Variants in UNC13C observed in about 807,000 individuals in gnomAD.
The protein encoded by UNC13C is unc-13 homolog C, also known as protein unc-13 homolog C.
In UNC13C, 174 loss-of-function variants were observed where a neutral mutation model predicts 245.4. The observed-to-expected ratio is 0.71, with a 90% CI of 0.63 to 0.80. The LOEUF (loss-of-function observed/expected upper bound fraction) is 0.80. UNC13C is among the 30% of genes least tolerant of loss of function. The probability of loss-of-function intolerance (pLI) is 0.00; values close to 1 mark genes in which losing one functional copy is unlikely to be tolerated. For missense variants in UNC13C, 2,829 were observed against 2,602.9 expected (o/e 1.09, Z -1.89); for synonymous variants, 992 against 895.1 (o/e 1.11, Z -1.93).
chr15:54,407,923 G>C (rs992465933), intron 18 of UNC13C, among the ~76,000 whole-genome samples: 4 of 151,854 alleles, frequency 2.6e-5, no homozygotes, highest in Admixed American at 6.6e-5. Context: ...AAGAATGGGC[G>C]GGGTGCGGTG....
the UNC13C span, among the ~76,000 whole-genome samples, chr15:53,934,989 G>A: frequency 4.6e-5 from 7 of 152,104 alleles, no homozygotes; most frequent in African/African-American, 1.7e-4. Flanking sequence ...TCATTCCCTA[G>A]CAGTATATAT....
Position 54,623,901 on chromosome 15 carries a change from C to G in UNC13C, c.6306C>G (p.Gly2102=). ...PNLGDKKRKQ[G]TKTKSNTWSP... is the part of the protein sequence containing the mutation. ...TTGGAGACAAGAAGAGAAAACAAGG[C>G]ACAAAAACAAAAAGCAACACATGGT... The change falls in exon 32 of 33, where the codon GGC becomes GGG. Residue 2102 remains glycine, a synonymous_variant. Transcript: ENST00000260323. 6.2e-7 allele frequency: 1 copy of G among 1,613,176 alleles called. No individual in the cohort carries two copies. Among genetic ancestry groups the G allele is most frequent in the Non-Finnish European group, 8.5e-7 (1 of 1,179,450 alleles).
chr15:54,273,996 T>A (rs1286144778), intron 10 of UNC13C, among the ~76,000 whole-genome samples: 2 of 152,150 alleles, frequency 1.3e-5, no homozygotes, highest in Non-Finnish European at 2.9e-5. Context: ...GTTGAACATG[T>A]ATTTAAGTGT....
At chr15:54,370,380 A>C (rs948891812) in intron 17 of UNC13C, among the ~76,000 whole-genome samples, 9 of 152,198 alleles carry the variant, frequency 5.9e-5, no homozygotes, top group Non-Finnish European at 1.5e-5. Context: ...AGTTCACTAA[A>C]TACCTCATAA....
intron 1 of UNC13C, among the ~76,000 whole-genome samples, chr15:54,002,906 A>G (rs1894961354): frequency 6.6e-6 from 1 of 152,200 alleles, no homozygotes; most frequent in Non-Finnish European, 1.5e-5. Context: ...CACAGCACAG[A>G]GGAAAGAATA....
chr15:53,993,628 G>A (rs758932414), intron 1 of UNC13C, among the ~76,000 whole-genome samples: 2 of 152,076 alleles, frequency 1.3e-5, no homozygotes, highest in African/African-American at 2.4e-5. Context: ...TATGCACTGT[G>A]GGGTACCTCT....
chr15:54,202,966 G>T (rs967175030), intron 4 of UNC13C, among the ~76,000 whole-genome samples: 1 of 151,480 alleles, frequency 6.6e-6, no homozygotes. Flanking sequence ...GAACAATTCA[G>T]CAAGGAAAAA....
intron 20 of UNC13C, among the ~76,000 whole-genome samples, chr15:54,496,960 C>T (rs1222636343): frequency 6.6e-6 from 1 of 151,724 alleles, no homozygotes; most frequent in Admixed American, 6.6e-5. Context: ...CCCCTCAAAA[C>T]CTATTGAAAT....
intron 2 of UNC13C, among the ~76,000 whole-genome samples, chr15:54,137,762 C>CA (rs1017869710): frequency 2.0e-5 from 3 of 151,600 alleles, no homozygotes; most frequent in Non-Finnish European, 4.4e-5. Context: ...TTTATATTTT[C>CA]AAAAAAACCC....
intron 7 of UNC13C, among the ~76,000 whole-genome samples, chr15:54,247,447 TCCTA>T (rs1336076550): frequency 1.3e-5 from 2 of 152,312 alleles, no homozygotes; most frequent in African/African-American, 4.8e-5. Flanking sequence ...TATATGCTTT[TCCTA>T]CCTATTAATT....
At chr15:53,977,487 A>G (rs988800862), upstream of UNC13C, among the ~76,000 whole-genome samples, 6 of 152,282 alleles carry the variant, frequency 3.9e-5, no homozygotes, top group Middle Eastern at 3.4e-3. Context: ...TGCTTCCTAT[A>G]CTGTTTAACC....
Position 54,014,784 on chromosome 15 carries a change from T to G in UNC13C, c.1881T>G (p.Ser627Arg). The stretch of plus-strand genomic sequence containing the variant: ...CTGAAAACACAGAAACTGTGGATAG[T>G]GGAATGAGTAATGGCATGGTGTGTG... Reference protein sequence around the residue: ...TETENTETVDSGMSNGMVCAS... With the variant: ...TETENTETVDRGMSNGMVCAS... Residue 627 changes from serine to arginine, a missense_variant, in exon 2 of 33, where the codon AGT (serine) becomes AGG (arginine). Coordinates refer to ENST00000260323, the MANE Select transcript of UNC13C (RefSeq NM_001080534.3). 6.2e-7 allele frequency: 1 copy of G among 1,613,744 alleles called. No individual in the cohort carries two copies. The highest frequency in any genetic ancestry group is 8.5e-7 in the Non-Finnish European group (1 of 1,179,800).
intron 24 of UNC13C, 119 bp from the exon 25 acceptor site, chr15:54,525,430 A>C (rs1003788060): frequency 2.4e-5 from 14 of 573,958 alleles, no homozygotes; most frequent in Non-Finnish European, 3.9e-5. Flanking sequence ...AAAAAAAAGA[A>C]GAGAAAAAAG....
chr15:54,068,852 A>T (rs1213273904), intron 2 of UNC13C, among the ~76,000 whole-genome samples: 1 of 152,172 alleles, frequency 6.6e-6, no homozygotes, highest in Non-Finnish European at 1.5e-5. Flanking sequence ...AAACTACAGG[A>T]TTAGTGAGTA....
intron 17 of UNC13C, among the ~76,000 whole-genome samples, chr15:54,382,733 A>G (rs1183277580): frequency 2.0e-5 from 3 of 152,164 alleles, no homozygotes; most frequent in Non-Finnish European, 4.4e-5. Flanking sequence ...TAAACAAAAT[A>G]GAGACTAAAG....
At chr15:54,082,307 C>G (rs147179164) in intron 2 of UNC13C, among the ~76,000 whole-genome samples, 1 of 152,164 alleles carries the variant, frequency 6.6e-6, no homozygotes, top group African/African-American at 2.4e-5. Flanking sequence ...GTATCTGGGT[C>G]TTGAGCTCTA....
intron 1 of UNC13C, among the ~76,000 whole-genome samples, chr15:54,000,757 T>C (rs900674722): frequency 6.6e-6 from 1 of 152,188 alleles, no homozygotes; most frequent in Non-Finnish European, 1.5e-5. Context: ...AAGAATACTT[T>C]GTGAACAGAT....
chr15:54,068,701 T>C (rs968075586), intron 2 of UNC13C, among the ~76,000 whole-genome samples: 1 of 152,194 alleles, frequency 6.6e-6, no homozygotes, highest in East Asian at 1.9e-4. Context: ...TAAATATATG[T>C]ATTTTTTCAA....
intron 2 of UNC13C, among the ~76,000 whole-genome samples, chr15:54,027,070 T>C (rs761566651): frequency 3.3e-5 from 5 of 151,870 alleles, no homozygotes; most frequent in Admixed American, 6.6e-5. Flanking sequence ...AATGAATACA[T>C]TGAGCCAGGC....
Sources: gnomAD v4.1 joint callset for allele counts (sites outside exome capture counted in the v4.1 genomes callset) on GRCh38, gnomAD v4.1.1 for gene constraint, MANE v1.5 for transcripts, NCBI Gene and HGNC (gene_info 2026-07-23, HGNC 2026-07-21) for gene names.